Variants in RAVER1 observed in about 807,000 individuals in gnomAD.
RAVER1 encodes ribonucleoprotein PTB-binding 1.
Under a neutral mutation model 68.4 loss-of-function variants are expected in RAVER1, and 36 were observed. That is an observed-to-expected ratio of 0.53 (90% CI 0.40 to 0.70). The LOEUF (loss-of-function observed/expected upper bound fraction) is 0.70. Among genes scored for constraint, RAVER1 ranks in the 30% least tolerant of loss-of-function variants. RAVER1 has a pLI of 0.00. For synonymous variants in RAVER1, 469 were observed against 472.7 expected, an observed-to-expected ratio of 0.99 and a Z score of 0.10; for missense variants, 933 against 1,019.8, an observed-to-expected ratio of 0.91 and a Z score of 1.16.
chr19:10,321,655 G>GGGTGGCCCA (rs2040439097), intron 6 of RAVER1, 37 bp from the exon 7 acceptor site: 3 of 1,381,606 alleles, frequency 2.2e-6, no homozygotes, highest in Non-Finnish European at 2.8e-6. Flanking sequence ...GATGGGGGCA[G>GGGTGGCCCA]GGTGGCCCAG....
At position 10,330,348 on chromosome 19, in the gene RAVER1, G is replaced by C. The variant is rs2040505043; in HGVS notation, c.286+112C>G. 15 of 605,066 alleles carry C rather than the reference G, an allele frequency of 2.5e-5. No individual in the cohort carries two copies. In the South Asian group the frequency reaches 3.0e-4, roughly 12 times the overall value. 37.5% of individuals were successfully genotyped at this position (605,066 alleles called of 1,614,324 possible). ...CAGATTGGGGCAACCTGCCATGTTG[G>C]CCTGGGGGGCAATACTGGGCCTGAA... On this transcript the variant is annotated intron_variant, in intron 2 of 12. Transcript: ENST00000617231.
intron 1 of RAVER1, 88 bp from the exon 2 acceptor site, chr19:10,330,614 A>G (rs1441098464): frequency 2.8e-4 from 188 of 667,246 alleles, no homozygotes; most frequent in Non-Finnish European, 7.2e-5. Context: ...CCAGCTATGA[A>G]GGCAGGTCAA....
At position 10,328,205 on chromosome 19, in the gene RAVER1, TAGTTACAAG is replaced by T. The variant is rs1189020262; in HGVS notation, c.756+428_756+436del. Among the ~76,000 whole-genome samples, 3 of 152,100 alleles carry T rather than the reference TAGTTACAAG, an allele frequency of 2.0e-5. No homozygotes were observed. The highest frequency in any genetic ancestry group is 4.4e-5 in the Non-Finnish European group (3 of 68,008). On this transcript the variant is annotated intron_variant, in intron 3 of 12. Coordinates refer to ENST00000617231, the MANE Select transcript of RAVER1 (RefSeq NM_133452.3). The surrounding 1 kb of genome is among the most constrained non-coding windows in gnomAD (Gnocchi z 4.4). ...AGTGGTGAGCAAGCCTCGAGATCCA[TAGTTACAAG>T]AGTGGCCTTGCATGCATCTGATAGA...
In RAVER1 at chr19:10,323,997, A is replaced by T. The variant is rs1020994700; in HGVS notation, c.757-431T>A. Among the ~76,000 whole-genome samples the T allele has an allele frequency of 6.6e-6, 1 of 151,902 alleles. No individual in the cohort carries two copies. The highest frequency in any genetic ancestry group is 2.4e-5 in the African/African-American group (1 of 41,350). On this transcript the variant is annotated intron_variant, in intron 3 of 12. Coordinates refer to ENST00000617231, the MANE Select transcript of RAVER1 (RefSeq NM_133452.3). The surrounding 1 kb of genome is among the most constrained non-coding windows in gnomAD (Gnocchi z 6.2). ...AACCCCGTCTCTACTAAAAATACAA[A>T]ATTAGCCAGGCGTGGTGGCACATGC...
rs753366553 is a variant in RAVER1, at chr19:10,317,778, G to A, written c.1990-5C>T. 2 of 1,548,570 alleles carry A rather than the reference G, an allele frequency of 1.3e-6. No homozygotes were observed. Among genetic ancestry groups the A allele is most frequent in the South Asian group, 1.2e-5 (1 of 85,948 alleles). On this transcript the variant is annotated splice_region_variant and splice_polypyrimidine_tract_variant and intron_variant, in intron 11 of 12. Coordinates refer to ENST00000617231, the MANE Select transcript of RAVER1 (RefSeq NM_133452.3). This position sits in a 1 kb window ranked among gnomAD's most constrained non-coding sequence, Gnocchi z 4.3. ...CAGCGGGGAAGAGCCGATTGCCTGG[G>A]AGAAATGGAGAGGTGGAACAGGTCA...
At position 10,316,885 on chromosome 19, in the gene RAVER1, A is replaced by C. The variant is rs1264680894; in HGVS notation, c.*569T>G. The C allele has an allele frequency of 6.4e-6, 1 of 156,110 alleles. No homozygotes were observed. The highest frequency in any genetic ancestry group is 1.4e-5 in the Non-Finnish European group (1 of 70,712). The allele number at this position is 156,110 out of a possible 1,614,324, so 9.7% of individuals were successfully genotyped here. On this transcript the variant is annotated 3_prime_UTR_variant, in exon 13 of 13. Transcript: ENST00000617231. ...GGCCAGATGGGCAGGCAGGGGCAGGAGACAGCCATGCCTGCAGCAAATGTG... is the reference window on the plus strand; with the variant it reads ...GGCCAGATGGGCAGGCAGGGGCAGGCGACAGCCATGCCTGCAGCAAATGTG...
rs980697793 is a variant in RAVER1, at chr19:10,323,090, G to A, written c.1078+55C>T. The A allele has an allele frequency of 7.7e-6, 11 of 1,421,904 alleles. No homozygotes were observed. Among genetic ancestry groups the A allele is most frequent in the Middle Eastern group, 2.5e-4 (1 of 4,040 alleles). 88.1% of individuals were successfully genotyped at this position (1,421,904 alleles called of 1,614,324 possible). A position where few individuals can be genotyped will look rare whatever the true frequency, so the allele number is the denominator to read the frequency against. On this transcript the variant is annotated intron_variant, in intron 5 of 12. Coordinates refer to ENST00000617231, the MANE Select transcript of RAVER1 (RefSeq NM_133452.3). This position sits in a 1 kb window ranked among gnomAD's most constrained non-coding sequence, Gnocchi z 6.2. Reference sequence around the variant, plus strand: ...TGAGCAGTTTCGGGAAGTGCCGGGGGCAGCGCTGCAGCCCCTGTTCTGCAC... The same window carrying A: ...TGAGCAGTTTCGGGAAGTGCCGGGGACAGCGCTGCAGCCCCTGTTCTGCAC...
Position 10,317,399 on chromosome 19 carries a change from G to GA in RAVER1, c.*54dup, listed in dbSNP as rs2040397930. 6.3e-7 allele frequency: 1 copy of GA among 1,583,194 alleles called. No individual in the cohort carries two copies. Among genetic ancestry groups the GA allele is most frequent in the Non-Finnish European group, 8.6e-7 (1 of 1,157,830 alleles). On this transcript the variant is annotated 3_prime_UTR_variant, in exon 13 of 13. Coordinates refer to ENST00000617231, the MANE Select transcript of RAVER1 (RefSeq NM_133452.3). This position sits in a 1 kb window ranked among gnomAD's most constrained non-coding sequence, Gnocchi z 4.3. Reference sequence around the variant, plus strand: ...AAAAAAAACACAAAACAAAACATCAGAAAACCCAAAAGCGATTTGGTGCAG... The same window carrying GA: ...AAAAAAAACACAAAACAAAACATCAGAAAAACCCAAAAGCGATTTGGTGCAG...
chr19:10,328,718 C>T lies in RAVER1; in HGVS notation c.680G>A (p.Arg227His), dbSNP rs1291824664. Residue 227 changes from arginine (R) to histidine (H), a missense_variant, in exon 3 of 13, where the codon CGC becomes CAC. Transcript: ENST00000617231. This position sits in a 1 kb window ranked among gnomAD's most constrained non-coding sequence, Gnocchi z 4.4. ...CACATCGTTGAAGCCAGGTGGCAGG[C>T]GGTCCACACAGAGGCAGCGGGAGTG... ...LLHSRCLCVDRLPPGFNDVDA... is the reference protein window; with the variant it reads ...LLHSRCLCVDHLPPGFNDVDA... The T allele has an allele frequency of 5.0e-6, 8 of 1,610,154 alleles. No homozygotes were observed. Among genetic ancestry groups the T allele is most frequent in the East Asian group, 2.2e-5 (1 of 44,756 alleles).
intron 9 of RAVER1, 51 bp downstream of exon 9, chr19:10,320,604 T>C (rs951450887): frequency 9.5e-6 from 14 of 1,471,400 alleles, no homozygotes; most frequent in South Asian, 1.3e-5. Flanking sequence ...AAATATCAGT[T>C]TGGAGAATGA....
In RAVER1 at chr19:10,321,068, G is replaced by A; in HGVS notation, c.1453C>T (p.Pro485Ser). 7.3e-7 allele frequency: 1 copy of A among 1,371,568 alleles called. No homozygotes were observed. Among genetic ancestry groups the A allele is most frequent in the Non-Finnish European group, 9.4e-7 (1 of 1,064,210 alleles). The allele number at this position is 1,371,568 out of a possible 1,614,324, so 85.0% of individuals were successfully genotyped here. Reference sequence around the variant, plus strand: ...CTTACCCCAGGGGGCGTCGGCAGAGGCCCACTGTCTTTCTGGAGGCCTCTG... The same window carrying A: ...CTTACCCCAGGGGGCGTCGGCAGAGACCCACTGTCTTTCTGGAGGCCTCTG... The part of the protein sequence containing the change: ...GLRGLQKDSG[P>S]LPTPPGVSLL... The change falls in exon 8 of 13, where the codon CCT becomes TCT. Residue 485 changes from proline to serine, a missense_variant. This residue lies in a region of RAVER1 where 699 missense variants were observed against 731.1 expected (regional missense o/e 0.96). Transcript: ENST00000617231.
At chr19:10,332,275 G>C (rs1203679914) in intron 1 of RAVER1, among the ~76,000 whole-genome samples, 1 of 152,186 alleles carries the variant, frequency 6.6e-6, no homozygotes, top group Non-Finnish European at 1.5e-5. Flanking sequence ...TGGGATTAAA[G>C]GGATGAGCCA....
rs781670264 is a variant in RAVER1, at chr19:10,323,233, G to T, written c.990C>A (p.Ile330=). 1 of 1,613,510 alleles carries T rather than the reference G, an allele frequency of 6.2e-7. No individual in the cohort carries two copies. The highest frequency in any genetic ancestry group is 8.5e-7 in the Non-Finnish European group (1 of 1,179,654). The change falls in exon 5 of 13, where the codon ATC becomes ATA. Residue 330 remains isoleucine (I), a synonymous_variant. Transcript: ENST00000617231. The surrounding 1 kb of genome is among the most constrained non-coding windows in gnomAD (Gnocchi z 6.2). ...RGKGLLPEPN[I]LQLLNNLGPS... is the part of the protein sequence containing the mutation. ...GGCCCAGGTTGTTGAGCAGCTGCAGGATGTTGGGCTCGGGGAGGAGTCCCT... is the reference window on the plus strand; with the variant it reads ...GGCCCAGGTTGTTGAGCAGCTGCAGTATGTTGGGCTCGGGGAGGAGTCCCT...
intron 7 of RAVER1, 41 bp downstream of exon 7, chr19:10,321,490 G>T (rs907876671): frequency 7.5e-7 from 1 of 1,324,572 alleles, no homozygotes. Flanking sequence ...GAAGGAAGGG[G>T]AAGTGGCTGG....
rs1348359346 is a variant in RAVER1 at position 10,317,526 on chromosome 19, A to G, written c.2148T>C (p.Tyr716=). ...CGAGGCCCTGGGAGTGCTGGCCCAC[A>G]TAGCTGCCTTCTGGGCTGGGCTCGG... ...PSPEPSPEGS[Y]VGQHSQGLGG... The change falls in exon 13 of 13, where the codon TAT becomes TAC. Residue 716 remains tyrosine, a synonymous_variant. Coordinates refer to ENST00000617231, the MANE Select transcript of RAVER1 (RefSeq NM_133452.3). This position sits in a 1 kb window ranked among gnomAD's most constrained non-coding sequence, Gnocchi z 4.3. 3.1e-6 allele frequency: 5 copies of G among 1,613,682 alleles called. No individual in the cohort carries two copies. Among genetic ancestry groups the G allele is most frequent in the Non-Finnish European group, 4.2e-6 (5 of 1,179,658 alleles).
rs1267370072 is a variant in RAVER1, at chr19:10,322,144, TTA to T, written c.1173+499_1173+500del. ...CTGTGTCTATGTGTGTGTCTTTGTC[TTA>T]TGTCTTTGTGTGTCTATGTCTCTGT... is the stretch of plus-strand genomic sequence containing the variant. On this transcript the variant is annotated intron_variant, in intron 6 of 12. Transcript: ENST00000617231. This position sits in a 1 kb window ranked among gnomAD's most constrained non-coding sequence, Gnocchi z 4.3. 1 of 167,066 alleles carries T rather than the reference TTA, an allele frequency of 6.0e-6. No homozygotes were observed. Among genetic ancestry groups the T allele is most frequent in the African/African-American group, 2.4e-5 (1 of 41,758 alleles). The allele number at this position is 167,066 out of a possible 1,614,324, so 10.3% of individuals were successfully genotyped here.
At chr19:10,325,731 T>G (rs1311202916) in intron 3 of RAVER1, among the ~76,000 whole-genome samples, 2 of 151,914 alleles carry the variant, frequency 1.3e-5, no homozygotes, top group Non-Finnish European at 2.9e-5. Context: ...GAGGATTTCT[T>G]GAACCCAGGA....
intron 3 of RAVER1, among the ~76,000 whole-genome samples, chr19:10,324,169 AAAAG>A (rs1378061193): frequency 6.6e-6 from 1 of 151,914 alleles, no homozygotes; most frequent in Non-Finnish European, 1.5e-5. Context: ...AAAAAAAAAA[AAAAG>A]AGATAATCAG....
At chr19:10,326,597 G>A (rs1393753909) in intron 3 of RAVER1, among the ~76,000 whole-genome samples, 6 of 150,498 alleles carry the variant, frequency 4.0e-5, no homozygotes, top group Admixed American at 6.6e-5. Flanking sequence ...GGCGCGTGGC[G>A]CCATGCCTGG....
Sources: allele counts gnomAD v4.1 joint callset (sites outside exome capture counted in the v4.1 genomes callset), GRCh38; gene constraint gnomAD v4.1.1; regional missense constraint gnomAD v4.1.1; non-coding constraint Gnocchi (gnomAD v3.1); transcripts MANE v1.5; gene names NCBI Gene and HGNC (gene_info 2026-07-23, HGNC 2026-07-21).